KMT2C: variants seen among roughly 807,000 people sequenced by gnomAD.
The protein encoded by KMT2C is histone-lysine N-methyltransferase 2C.
A neutral mutation model predicts 507.9 loss-of-function variants in KMT2C; 88 were observed. That is an observed-to-expected ratio of 0.17 (90% CI 0.15 to 0.21). The LOEUF (loss-of-function observed/expected upper bound fraction) is 0.21, where lower values mean the gene tolerates loss of function less well. Ranked by LOEUF, KMT2C falls within the 10% of genes least tolerant of loss-of-function variation. The pLI is 1.00. For synonymous variants in KMT2C, 2,049 were observed against 2,080.8 expected, an observed-to-expected ratio of 0.98 and a Z score of 0.42; for missense variants, 4,954 against 5,957.8, an observed-to-expected ratio of 0.83 and a Z score of 5.55.
intron 16 of KMT2C, among the ~76,000 whole-genome samples, chr7:152,231,528 C>G (rs1339826631): frequency 2.6e-5 from 4 of 152,404 alleles, no homozygotes; most frequent in South Asian, 4.1e-4. Flanking sequence ...TGCCTATAAT[C>G]TTAGCACTTT....
intron 55 of KMT2C, among the ~76,000 whole-genome samples, chr7:152,141,712 C>CAAAAAAAAAAAAAAAAAAAAAAAA (rs1249621681): frequency 1.6e-5 from 1 of 61,872 alleles, no homozygotes; most frequent in African/African-American, 5.8e-5. Context: ...GACTCTGTCT[C>CAAAAAAAAAAAAAAAAAAAAAAAA]AAAAAAAAAA....
chr7:152,412,373 C>G (rs1459373502), intron 1 of KMT2C, among the ~76,000 whole-genome samples: 1 of 152,178 alleles, frequency 6.6e-6, no homozygotes, highest in Non-Finnish European at 1.5e-5. Flanking sequence ...TGCACTCCAG[C>G]CTGGGCGACA....
At chr7:152,435,527 G>T in intron 1 of KMT2C, 99 bp downstream of exon 1, 1 of 589,482 alleles carries the variant, frequency 1.7e-6, no homozygotes, top group Non-Finnish European at 2.1e-6. Flanking sequence ...CCCCGCCGGG[G>T]GGCGCCGGGG....
At chr7:152,410,429 T>G (rs1407071834) in intron 1 of KMT2C, among the ~76,000 whole-genome samples, 1 of 131,848 alleles carries the variant, frequency 7.6e-6, no homozygotes, top group Non-Finnish European at 1.6e-5. Flanking sequence ...AAAAAAAAAA[T>G]TAGCCAGGTG....
At chr7:152,427,245 A>T (rs2097827866) in intron 1 of KMT2C, among the ~76,000 whole-genome samples, 1 of 152,040 alleles carries the variant, frequency 6.6e-6, no homozygotes, top group South Asian at 2.1e-4. Flanking sequence ...TGAACTCCTG[A>T]CCTCGTGACT....
chr7:152,409,197 G>A (rs953211253), intron 1 of KMT2C, among the ~76,000 whole-genome samples: 1 of 151,762 alleles, frequency 6.6e-6, no homozygotes, highest in Non-Finnish European at 1.5e-5. Flanking sequence ...TTTAGGGTCA[G>A]GGTCTCACTA....
chr7:152,409,689 C>T (rs2097661207), intron 1 of KMT2C, among the ~76,000 whole-genome samples: 1 of 152,118 alleles, frequency 6.6e-6, no homozygotes, highest in Admixed American at 6.5e-5. Flanking sequence ...TGAGATCACG[C>T]CACTGCACTC....
chr7:152,374,142 G>A (rs1031162716), intron 1 of KMT2C, among the ~76,000 whole-genome samples: 3 of 151,462 alleles, frequency 2.0e-5, no homozygotes, highest in Admixed American at 6.6e-5. Context: ...GTGAAACCCC[G>A]AGATCTCTAC....
chr7:152,297,033 GAAAGAAAGAAAGAAAGAAAGAC>G (rs2096510420), intron 6 of KMT2C, among the ~76,000 whole-genome samples: 1 of 94,190 alleles, frequency 1.1e-5, no homozygotes, highest in Non-Finnish European at 2.0e-5. Flanking sequence ...AAGAAAGAAA[GAAAGAAAGAAAGAAAGAAAGAC>G]AGAGAGAGAG....
Position 152,184,558 on chromosome 7 carries a change from G to C in KMT2C, c.5082+1000C>G, listed in dbSNP as rs79612573. On this transcript the variant is annotated intron_variant, in intron 34 of 58. Coordinates refer to ENST00000262189, the MANE Select transcript of KMT2C (RefSeq NM_170606.3). ...ATATTTCTCTTTCAAGATGCACAAA[G>C]ATTCTCTATGAAACCTAACAAGAAA... Among the ~76,000 whole-genome samples, 191 of 152,252 alleles carry C rather than the reference G, an allele frequency of 1.3e-3. 1 individual carries two copies. The East Asian group carries it at 0.025, about 20-fold the overall frequency.
rs144152909 is a variant in KMT2C, at chr7:152,432,870, G to A, written c.161+2756C>T. 3.4e-4 allele frequency among the ~76,000 whole-genome samples: 51 copies of A among 152,018 alleles called. 1 individual carries two copies. The East Asian group carries it at 9.7e-3, about 29-fold the overall frequency. ...TTGTCAAAAGGCATCTTCTCAGCGG[G>A]GTGCGGTGGCTCACGCCTGTAATCC... On this transcript the variant is annotated intron_variant, in intron 1 of 58. Coordinates refer to ENST00000262189, the MANE Select transcript of KMT2C (RefSeq NM_170606.3).
At chr7:152,139,349 T>A (rs1563113893) in intron 56 of KMT2C, 90 bp from the exon 57 acceptor site, 3 of 1,189,464 alleles carry the variant, frequency 2.5e-6, no homozygotes, top group Non-Finnish European at 3.7e-6. Context: ...CAGTCGAAAC[T>A]GAACGGAACG....
At chr7:152,344,839 T>A (rs1233495710) in intron 2 of KMT2C, among the ~76,000 whole-genome samples, 1 of 152,014 alleles carries the variant, frequency 6.6e-6, no homozygotes, top group African/African-American at 2.4e-5. Flanking sequence ...TATTAAAAAT[T>A]AGCTGGGCAG....
intron 1 of KMT2C, among the ~76,000 whole-genome samples, chr7:152,408,459 G>C: frequency 6.6e-6 from 1 of 152,192 alleles, no homozygotes; most frequent in South Asian, 2.1e-4. Context: ...CCCACCTATA[G>C]CTGCAGACCA....
At chr7:152,352,396 C>T (rs1046503289) in intron 2 of KMT2C, among the ~76,000 whole-genome samples, 9 of 152,148 alleles carry the variant, frequency 5.9e-5, no homozygotes, top group African/African-American at 1.9e-4. Context: ...CTTCATTTGC[C>T]TTGTGATATT....
At chr7:152,242,093 C>G (rs2095396672) in intron 14 of KMT2C, among the ~76,000 whole-genome samples, 2 of 152,098 alleles carry the variant, frequency 1.3e-5, no homozygotes, top group Admixed American at 1.3e-4. Flanking sequence ...TAGCTTTGAT[C>G]AAGAACTTAC....
In KMT2C at chr7:152,194,103, G is replaced by C. The variant is rs1295704631; in HGVS notation, c.4566C>G (p.Asp1522Glu). 6.3e-7 allele frequency: 1 copy of C among 1,581,316 alleles called. No individual in the cohort carries two copies. The highest frequency in any genetic ancestry group is 8.6e-7 in the Non-Finnish European group (1 of 1,169,368). Reference sequence around the variant, plus strand: ...CAGGACTAAGTACAGCTGTAAATAAGTCTTCAACATCTTTTCCGCCAAGCT... The same window carrying C: ...CAGGACTAAGTACAGCTGTAAATAACTCTTCAACATCTTTTCCGCCAAGCT... ...IPELGGKDVE[D>E]LFTAVLSPAN... Residue 1522 changes from aspartate to glutamate, a missense_variant, in exon 31 of 59, where the codon GAC becomes GAG. Around this residue, in one of 29 missense-constraint regions of KMT2C, gnomAD observed 195 missense variants for 183.7 expected, o/e 1.06. Coordinates refer to ENST00000262189, the MANE Select transcript of KMT2C (RefSeq NM_170606.3).
Position 152,201,799 on chromosome 7 carries a change from A to G in KMT2C, c.4092+1135T>C, listed in dbSNP as rs117988572. On this transcript the variant is annotated intron_variant, in intron 26 of 58. Coordinates refer to ENST00000262189, the MANE Select transcript of KMT2C (RefSeq NM_170606.3). ...GGCACAGGCTAGGCACTTTACATACATACTCTCACTGAACTTCTGAGCATT... is the reference window on the plus strand; with the variant it reads ...GGCACAGGCTAGGCACTTTACATACGTACTCTCACTGAACTTCTGAGCATT... Among the ~76,000 whole-genome samples, 446 of 152,270 alleles carry G rather than the reference A, an allele frequency of 2.9e-3. 13 individuals are homozygous for G. In the East Asian group the frequency reaches 0.075, roughly 26 times the overall value.
chr7:152,385,500 T>A (rs10239708), intron 1 of KMT2C, among the ~76,000 whole-genome samples: 2 of 128,644 alleles, frequency 1.6e-5, no homozygotes, highest in Non-Finnish European at 3.1e-5. Flanking sequence ...TAGTCCCAGC[T>A]CCTTGGGAGG....
Sources: allele counts gnomAD v4.1 joint callset (sites outside exome capture counted in the v4.1 genomes callset), GRCh38; gene constraint gnomAD v4.1.1; regional missense constraint gnomAD v4.1.1; transcripts MANE v1.5; gene names NCBI Gene and HGNC (gene_info 2026-07-23, HGNC 2026-07-21).